Variants in EXD3 observed in about 807,000 individuals in gnomAD.
The protein encoded by EXD3 is exonuclease mut-7 homolog.
A neutral mutation model predicts 98.0 loss-of-function variants in EXD3; 92 were observed. The observed-to-expected ratio is 0.94, with a 90% CI of 0.79 to 1.12. The LOEUF (loss-of-function observed/expected upper bound fraction) is 1.12, where lower values mean the gene tolerates loss of function less well. Among genes scored for constraint, EXD3 ranks in the 50% most tolerant of loss-of-function variants. The pLI is 0.00. For missense variants in EXD3, 1,222 were observed against 1,191.6 expected (o/e 1.03, Z -0.38); for synonymous variants, 569 against 526.0 (o/e 1.08, Z -1.12).
intron 19 of EXD3, among the ~76,000 whole-genome samples, chr9:137,316,426 C>T (rs1304972296): frequency 6.6e-6 from 1 of 152,042 alleles, no homozygotes; most frequent in African/African-American, 2.4e-5. Context: ...GACTCGGCCC[C>T]CCGCCCGCAG....
At position 137,405,039 on chromosome 9, in the gene EXD3, G is replaced by T. The variant is rs953190649; in HGVS notation, c.-47-9635C>A. Among the ~76,000 whole-genome samples the T allele has an allele frequency of 6.6e-6, 1 of 152,106 alleles. No homozygotes were observed. The highest frequency in any genetic ancestry group is 2.4e-5 in the African/African-American group (1 of 41,420). On this transcript the variant is annotated intron_variant, in intron 1 of 21. Coordinates refer to ENST00000340951, the MANE Select transcript of EXD3 (RefSeq NM_017820.5). This position sits in a 1 kb window ranked among gnomAD's most constrained non-coding sequence, Gnocchi z 4.1. ...CCCCCAGGCGAGCCGGGTGCTGGGA[G>T]GGGACACGTGCTGTCTCACAGGTGA...
Position 137,347,273 on chromosome 9 carries a change from C to T in EXD3, c.1998+798G>A, listed in dbSNP as rs1833986641. Among the ~76,000 whole-genome samples the T allele has an allele frequency of 6.6e-6, 1 of 152,188 alleles. No individual in the cohort carries two copies. Among genetic ancestry groups the T allele is most frequent in the African/African-American group, 2.4e-5 (1 of 41,436 alleles). On this transcript the variant is annotated intron_variant, in intron 17 of 21. Transcript: ENST00000340951. The surrounding 1 kb of genome is among the most constrained non-coding windows in gnomAD (Gnocchi z 4.2). The stretch of plus-strand genomic sequence containing the variant: ...GCGACGGCAGGCTCCTCTTAGGAGA[C>T]TCCGGGGAAGAACCTGCTTCTGGGC...
Position 137,308,375 on chromosome 9 carries a change from C to A in EXD3, c.2279-729G>T, listed in dbSNP as rs529524241. The stretch of plus-strand genomic sequence containing the variant: ...TCCTTGAAGCCCAGGAGGCCATGAC[C>A]CTCATCTGGCCCCTCCCTGGCTGGC... On this transcript the variant is annotated intron_variant, in intron 20 of 21. Coordinates refer to ENST00000340951, the MANE Select transcript of EXD3 (RefSeq NM_017820.5). Among the ~76,000 whole-genome samples the A allele has an allele frequency of 2.8e-3, 422 of 152,244 alleles. 5 individuals carry two copies. The highest frequency in any genetic ancestry group is 9.8e-3 in the African/African-American group (409 of 41,528).
At chr9:137,348,031 G>A (rs781146880) in intron 17 of EXD3, 40 bp downstream of exon 17, 2 of 1,586,374 alleles carry the variant, frequency 1.3e-6, no homozygotes, top group East Asian at 2.3e-5. Context: ...AGGGGCAGCT[G>A]CACCTTGGGA....
Position 137,349,179 on chromosome 9 carries a change from G to C in EXD3, c.1761C>G (p.His587Gln). The C allele has an allele frequency of 6.3e-7, 1 of 1,592,488 alleles. No homozygotes were observed. The highest frequency in any genetic ancestry group is 8.5e-7 in the Non-Finnish European group (1 of 1,175,040). Residue 587 changes from histidine to glutamine, a missense_variant, in exon 16 of 22, where the codon CAC becomes CAG. Physicochemically the swap from His to Gln is conservative, Grantham distance 24. Coordinates refer to ENST00000340951, the MANE Select transcript of EXD3 (RefSeq NM_017820.5). The surrounding 1 kb of genome is among the most constrained non-coding windows in gnomAD (Gnocchi z 7.4). ...GCTTCCGTGCCCCTGGTCTCTCTCT[G>C]TGCCTGGGCCTCCGGCTCCCAGCCA... Reference protein sequence around the residue: ...EDLAGSRRPRHRERPGARKPP... With the variant: ...EDLAGSRRPRQRERPGARKPP...
chr9:137,345,427 C>T (rs373258305), intron 17 of EXD3, among the ~76,000 whole-genome samples: 7 of 152,162 alleles, frequency 4.6e-5, no homozygotes, highest in South Asian at 2.1e-4. Context: ...TTCGGGAGGC[C>T]GAGGTGGGCA....
At chr9:137,411,815 C>T (rs1387158326) in intron 1 of EXD3, among the ~76,000 whole-genome samples, 1 of 152,078 alleles carries the variant, frequency 6.6e-6, no homozygotes, top group Admixed American at 6.5e-5. Flanking sequence ...TTTCTGCACA[C>T]CGCAGTGAGT....
At chr9:137,384,013 C>T (rs1272963143) in intron 2 of EXD3, among the ~76,000 whole-genome samples, 1 of 152,212 alleles carries the variant, frequency 6.6e-6, no homozygotes, top group African/African-American at 2.4e-5. Context: ...TGGAGACCCA[C>T]TCAGGCCTGG....
chr9:137,328,071 C>G (rs1832565996), intron 17 of EXD3, among the ~76,000 whole-genome samples: 5 of 145,308 alleles, frequency 3.4e-5, no homozygotes, highest in Non-Finnish European at 6.1e-5. Flanking sequence ...GTAAAAACAA[C>G]TAACATACTC....
chr9:137,364,350 G>A (rs113727800), intron 7 of EXD3, among the ~76,000 whole-genome samples: 18,438 of 151,992 alleles, frequency 0.12, 1,327 homozygotes, highest in African/African-American at 0.14. Flanking sequence ...GGCCAGGTGC[G>A]GTGGCTCATG....
In EXD3 at chr9:137,349,525, C is replaced by G. The variant is rs551667120; in HGVS notation, c.1501G>C (p.Val501Leu). ...DLLLVHRQMR[V>L]ASVPAPAVDR... ...ACGGCTGGGGCTGGCACGCTCGCCACCCGCATCTGCTAAGACAGTGCCCTG... is the reference window on the plus strand; with the variant it reads ...ACGGCTGGGGCTGGCACGCTCGCCAGCCGCATCTGCTAAGACAGTGCCCTG... The change falls in exon 15 of 22, where the codon GTG (valine) becomes CTG (leucine). Residue 501 changes from valine to leucine, a missense_variant. Physicochemically the swap from Val to Leu is conservative, Grantham distance 32 (BLOSUM62 1). Coordinates refer to ENST00000340951, the MANE Select transcript of EXD3 (RefSeq NM_017820.5). This position sits in a 1 kb window ranked among gnomAD's most constrained non-coding sequence, Gnocchi z 7.4. 1 of 1,589,038 alleles carries G rather than the reference C, an allele frequency of 6.3e-7. No homozygotes were observed. The highest frequency in any genetic ancestry group is 1.8e-5 in the Admixed American group (1 of 57,034).
intron 17 of EXD3, among the ~76,000 whole-genome samples, chr9:137,340,677 A>G (rs997028936): frequency 1.6e-4 from 24 of 151,990 alleles, no homozygotes; most frequent in African/African-American, 5.6e-4. Flanking sequence ...ACAGGTGTGC[A>G]CCACCATGCC....
Sources: gnomAD v4.1 joint callset for allele counts (sites outside exome capture counted in the v4.1 genomes callset) on GRCh38, gnomAD v4.1.1 for gene constraint, Gnocchi (gnomAD v3.1) non-coding constraint, MANE v1.5 for transcripts, NCBI Gene and HGNC (gene_info 2026-07-23, HGNC 2026-07-21) for gene names.